SEC22A: variants seen among roughly 807,000 people sequenced by gnomAD.
The protein encoded by SEC22A is SEC22 homolog A, vesicle trafficking protein.
A neutral mutation model predicts 35.3 loss-of-function variants in SEC22A; 22 were observed. The ratio of observed to expected loss-of-function variants is 0.62; its 90% confidence interval spans 0.45 to 0.89. SEC22A has a LOEUF of 0.89. SEC22A is among the 40% of genes least tolerant of loss of function. The pLI is 0.00. For missense variants in SEC22A, 354 were observed against 362.5 expected (o/e 0.98, Z 0.19); for synonymous variants, 119 against 129.5 (o/e 0.92, Z 0.55).
rs1938230409 is a variant in SEC22A, at chr3:123,273,827, A to G, written c.*2105A>G. 1 of 152,206 alleles carries G rather than the reference A, an allele frequency of 6.6e-6. No homozygotes were observed. The highest frequency in any genetic ancestry group is 1.5e-5 in the Non-Finnish European group (1 of 68,060). 9.4% of individuals were successfully genotyped at this position (152,206 alleles called of 1,614,324 possible). A position where few individuals can be genotyped will look rare whatever the true frequency, so the allele number is the denominator to read the frequency against. On this transcript the variant is annotated 3_prime_UTR_variant, in exon 7 of 7. Transcript: ENST00000492595. ...CTGTCTCAAAAAAGAAAGGTTTTCT[A>G]AACTAATGGTTAAAACAGAATTTTC...
rs779433710 is a variant in SEC22A at position 123,203,053 on chromosome 3, CTTTTTTTTTTT to C, written c.-20+1091_-20+1101del. ...GAAAACCATCACATCTGTTTAGTGCCTTTTTTTTTTTTTTTTTTTTTTTTTTTTTTTTTTGC... is the reference window on the plus strand; with the variant it reads ...GAAAACCATCACATCTGTTTAGTGCCTTTTTTTTTTTTTTTTTTTTTTTGC... On this transcript the variant is annotated intron_variant, in intron 1 of 6. Transcript: ENST00000492595. 1.2e-3 allele frequency among the ~76,000 whole-genome samples: 51 copies of C among 43,832 alleles called. 1 individual carries two copies. Among genetic ancestry groups the C allele is most frequent in the African/African-American group, 3.7e-3 (35 of 9,430 alleles). The allele number at this position is 43,832 out of a possible 152,430, so 28.8% of individuals were successfully genotyped here.
At chr3:123,217,997 T>A (rs1451212185) in intron 2 of SEC22A, among the ~76,000 whole-genome samples, 1 of 152,256 alleles carries the variant, frequency 6.6e-6, no homozygotes, top group Non-Finnish European at 1.5e-5. Flanking sequence ...TGTCAGTGTT[T>A]AATTGGTGAT....
chr3:123,218,879 A>G (rs1937076847), intron 2 of SEC22A, among the ~76,000 whole-genome samples: 1 of 152,250 alleles, frequency 6.6e-6, no homozygotes, highest in African/African-American at 2.4e-5. Flanking sequence ...AGTGCTAAGA[A>G]TATAATGGTG....
intron 1 of SEC22A, among the ~76,000 whole-genome samples, chr3:123,207,752 T>C (rs1430530766): frequency 6.6e-6 from 1 of 152,218 alleles, no homozygotes; most frequent in Non-Finnish European, 1.5e-5. Flanking sequence ...TATGAAAGGT[T>C]GAGTGACTGT....
chr3:123,271,450 C>A (rs983099631), intron 6 of SEC22A, 72 bp from the exon 7 acceptor site: 2 of 1,323,978 alleles, frequency 1.5e-6, no homozygotes, highest in Middle Eastern at 1.8e-4. Context: ...TGACCTGTTA[C>A]AATTTTATAT....
chr3:123,246,677 A>AT (rs935301291), intron 5 of SEC22A, among the ~76,000 whole-genome samples: 8 of 151,680 alleles, frequency 5.3e-5, no homozygotes, highest in Admixed American at 2.0e-4. Flanking sequence ...ACTTTTTGAA[A>AT]TTTTTTTTTA....
chr3:123,254,099 A>G (rs1251806663), intron 5 of SEC22A, among the ~76,000 whole-genome samples: 1 of 152,172 alleles, frequency 6.6e-6, no homozygotes, highest in Non-Finnish European at 1.5e-5. Context: ...TAAAAAGTAA[A>G]TATTCCCTAA....
intron 5 of SEC22A, among the ~76,000 whole-genome samples, chr3:123,253,975 AAAAT>A (rs1231134742): frequency 1.3e-5 from 2 of 151,938 alleles, no homozygotes; most frequent in Non-Finnish European, 2.9e-5. Context: ...ATAAATAAAT[AAAAT>A]AAAAATAACA....
At chr3:123,235,121 C>T (rs28851831) in intron 4 of SEC22A, among the ~76,000 whole-genome samples, 15 of 151,880 alleles carry the variant, frequency 9.9e-5, no homozygotes, top group Non-Finnish European at 1.3e-4. Context: ...TCGCACTCGT[C>T]GGCTCAAACA....
chr3:123,216,224 C>A (rs971205099), intron 2 of SEC22A, among the ~76,000 whole-genome samples: 2 of 152,004 alleles, frequency 1.3e-5, no homozygotes, highest in African/African-American at 4.8e-5. Flanking sequence ...GGGAAATATA[C>A]CCAATATGTA....
At chr3:123,215,270 A>G (rs995986371) in intron 2 of SEC22A, among the ~76,000 whole-genome samples, 1 of 152,212 alleles carries the variant, frequency 6.6e-6, no homozygotes, top group African/African-American at 2.4e-5. Flanking sequence ...AATCTTTCTC[A>G]TTTCTACAGT....
chr3:123,214,484 TCA>T (rs1936989256), intron 2 of SEC22A, among the ~76,000 whole-genome samples: 1 of 152,196 alleles, frequency 6.6e-6, no homozygotes, highest in Non-Finnish European at 1.5e-5. Flanking sequence ...TGTGGGGTGT[TCA>T]GTTTTGTGAT....
chr3:123,224,080 C>T (rs1438133442), intron 3 of SEC22A, among the ~76,000 whole-genome samples: 1 of 152,080 alleles, frequency 6.6e-6, no homozygotes, highest in Non-Finnish European at 1.5e-5. Context: ...CCAGATAGTA[C>T]ATATTTTAGA....
chr3:123,212,532 CA>C (rs1369943784), intron 2 of SEC22A, among the ~76,000 whole-genome samples: 3 of 151,920 alleles, frequency 2.0e-5, no homozygotes, highest in Non-Finnish European at 4.4e-5. Context: ...TAAACTTTTG[CA>C]ATTTTTTTTC....
At chr3:123,258,422 G>A (rs781354241) in intron 5 of SEC22A, among the ~76,000 whole-genome samples, 2 of 151,998 alleles carry the variant, frequency 1.3e-5, no homozygotes, top group Non-Finnish European at 2.9e-5. Flanking sequence ...CATTTAAAAA[G>A]TAAAGGACTA....
intron 4 of SEC22A, among the ~76,000 whole-genome samples, chr3:123,233,680 A>C (rs1022737576): frequency 6.6e-6 from 1 of 152,188 alleles, no homozygotes; most frequent in Non-Finnish European, 1.5e-5. Flanking sequence ...ACAAACTAGG[A>C]ATAGAAGGGA....
intron 4 of SEC22A, among the ~76,000 whole-genome samples, chr3:123,238,640 A>G (rs1204118722): frequency 6.6e-6 from 1 of 152,228 alleles, no homozygotes; most frequent in Non-Finnish European, 1.5e-5. Flanking sequence ...GAATCTGTTT[A>G]ATAGTTACTT....
intron 4 of SEC22A, among the ~76,000 whole-genome samples, chr3:123,236,178 A>C (rs1025794480): frequency 2.0e-5 from 3 of 152,196 alleles, no homozygotes; most frequent in African/African-American, 7.2e-5. Flanking sequence ...GTGTTTTAAA[A>C]GTATTAATTT....
At chr3:123,270,411 T>G (rs922292201) in intron 6 of SEC22A, among the ~76,000 whole-genome samples, 1 of 152,214 alleles carries the variant, frequency 6.6e-6, no homozygotes, top group Non-Finnish European at 1.5e-5. Context: ...TAACAGACAC[T>G]GGTGTGTCCT....
Sources: allele counts gnomAD v4.1 joint callset (sites outside exome capture counted in the v4.1 genomes callset), GRCh38; gene constraint gnomAD v4.1.1; transcripts MANE v1.5; gene names NCBI Gene and HGNC (gene_info 2026-07-23, HGNC 2026-07-21).